The following EXD3 variants were observed in gnomAD, a reference collection of about 807,000 sequenced individuals.
EXD3 encodes exonuclease mut-7 homolog.
A neutral mutation model predicts 98.0 loss-of-function variants in EXD3; 92 were observed. The ratio of observed to expected loss-of-function variants is 0.94; its 90% CI spans 0.79 to 1.12. The LOEUF (loss-of-function observed/expected upper bound fraction) is 1.12. Ranked by LOEUF, EXD3 falls within the 50% of genes most tolerant of loss-of-function variation. The pLI is 0.00. For synonymous variants in EXD3, 569 were observed against 526.0 expected (o/e 1.08, Z -1.12); for missense variants, 1,222 against 1,191.6 (o/e 1.03, Z -0.38).
chr9:137,340,603 G>T (rs1833600880), intron 17 of EXD3, among the ~76,000 whole-genome samples: 2 of 152,048 alleles, frequency 1.3e-5, no homozygotes, highest in Admixed American at 1.3e-4. Context: ...ATGGCTCACT[G>T]TGTAGCCTCG....
At chr9:137,389,554 G>C (rs1392568729) in intron 2 of EXD3, among the ~76,000 whole-genome samples, 1 of 152,190 alleles carries the variant, frequency 6.6e-6, no homozygotes, top group Non-Finnish European at 1.5e-5. Context: ...CCCACAAGGA[G>C]GCAGAGAGGG....
At chr9:137,331,640 G>A (rs571660707) in intron 17 of EXD3, among the ~76,000 whole-genome samples, 7 of 152,200 alleles carry the variant, frequency 4.6e-5, no homozygotes, top group Non-Finnish European at 8.8e-5. Context: ...CTCAGGCCAG[G>A]CGCGGTGGCT....
intron 1 of EXD3, among the ~76,000 whole-genome samples, chr9:137,408,777 G>A (rs544323213): frequency 7.9e-5 from 12 of 152,244 alleles, no homozygotes; most frequent in Admixed American, 1.3e-4. Flanking sequence ...CGAGCCAATC[G>A]GAATGGACAG....
At chr9:137,351,627 G>A (rs770992060) in intron 12 of EXD3, 99 bp from the exon 13 acceptor site, 15 of 1,142,332 alleles carry the variant, frequency 1.3e-5, no homozygotes, top group East Asian at 1.0e-4. Flanking sequence ...CTTGGGCTTC[G>A]GGGAGACGCC....
At chr9:137,316,174 G>C (rs901355439) in intron 19 of EXD3, among the ~76,000 whole-genome samples, 17 of 151,714 alleles carry the variant, frequency 1.1e-4, no homozygotes, top group Non-Finnish European at 1.9e-4. Flanking sequence ...GGGCCGGGCC[G>C]CGTGGGAAAG....
rs2119216481 is a variant in EXD3, at chr9:137,349,769, C to T, written c.1495-238G>A. 6.6e-6 allele frequency among the ~76,000 whole-genome samples: 1 copy of T among 152,178 alleles called. No individual in the cohort carries two copies. Among genetic ancestry groups the T allele is most frequent in the East Asian group, 1.9e-4 (1 of 5,154 alleles). On this transcript the variant is annotated intron_variant, in intron 14 of 21. Coordinates refer to ENST00000340951, the MANE Select transcript of EXD3 (RefSeq NM_017820.5). This position sits in a 1 kb window ranked among gnomAD's most constrained non-coding sequence, Gnocchi z 7.4. ...GCTCCGGGGGCCCTGGTCAGCAGTC[C>T]CACGGTAACCCCGCCCAGCCCCTCA... is the stretch of plus-strand genomic sequence containing the variant.
chr9:137,374,924 AACTC>A (rs1835818466), intron 3 of EXD3: 3 of 906,842 alleles, frequency 3.3e-6, no homozygotes, highest in Non-Finnish European at 4.0e-6. Flanking sequence ...AGTGAGTTCT[AACTC>A]TAGTGAGTTC....
At chr9:137,328,487 A>ATATACTCCCACAT (rs1832623250) in intron 17 of EXD3, among the ~76,000 whole-genome samples, 2 of 4,446 alleles carry the variant, frequency 4.5e-4, no homozygotes, top group East Asian at 5.9e-3. Context: ...TAAAAACAAA[A>ATATACTCCCACAT]GTAAAAACAA....
rs1435881897 is a variant in EXD3 at position 137,349,606 on chromosome 9, G to A, written c.1495-75C>T. ...ACAGTCACCGTGCCCACTCACACCA[G>A]CCCTGCGGGGGCTCTGGAGGAGGCC... is the stretch of plus-strand genomic sequence containing the variant. On this transcript the variant is annotated intron_variant, in intron 14 of 21. Coordinates refer to ENST00000340951, the MANE Select transcript of EXD3 (RefSeq NM_017820.5). The surrounding 1 kb of genome is among the most constrained non-coding windows in gnomAD (Gnocchi z 7.4). 4 of 1,408,758 alleles carry A rather than the reference G, an allele frequency of 2.8e-6. No homozygotes were observed. The highest frequency in any genetic ancestry group is 2.9e-5 in the African/African-American group (2 of 68,528). 87.3% of individuals were successfully genotyped at this position (1,408,758 alleles called of 1,614,324 possible). A position where few individuals can be genotyped will look rare whatever the true frequency, so the allele number is the denominator to read the frequency against.
chr9:137,414,153 G>A (rs1278716829), intron 1 of EXD3, among the ~76,000 whole-genome samples: 4 of 152,272 alleles, frequency 2.6e-5, no homozygotes, highest in Non-Finnish European at 4.4e-5. Context: ...TCCTGACCTC[G>A]TGATCCACCT....
rs962853429 is a variant in EXD3, at chr9:137,371,253, G to A, written c.462+1652C>T. Among the ~76,000 whole-genome samples the A allele has an allele frequency of 5.9e-5, 9 of 152,206 alleles. No homozygotes were observed. Among genetic ancestry groups the A allele is most frequent in the African/African-American group, 1.7e-4 (7 of 41,448 alleles). ...TCCGCAGGCACGGCCGCCATTCAGC[G>A]TCGCGCCACATGAGGGGGACCCTCC... On this transcript the variant is annotated intron_variant, in intron 5 of 21. Transcript: ENST00000340951. This position sits in a 1 kb window ranked among gnomAD's most constrained non-coding sequence, Gnocchi z 8.0.
At chr9:137,381,076 G>A (rs1451836968) in intron 3 of EXD3, 2 of 141,306 alleles carry the variant, frequency 1.4e-5, no homozygotes, top group Admixed American at 7.0e-5. Flanking sequence ...CTCCAGCCTG[G>A]GTGACAGAGC....
At position 137,349,562 on chromosome 9, in the gene EXD3, G is replaced by A. The variant is rs749685380; in HGVS notation, c.1495-31C>T. 37 of 1,523,504 alleles carry A rather than the reference G, an allele frequency of 2.4e-5. No individual in the cohort carries two copies. Among genetic ancestry groups the A allele is most frequent in the South Asian group, 1.0e-4 (8 of 79,888 alleles). 94.4% of individuals were successfully genotyped at this position (1,523,504 alleles called of 1,614,324 possible). A position where few individuals can be genotyped will look rare whatever the true frequency, so the allele number is the denominator to read the frequency against. ...AAGACAGTGCCCTGCAGGGTAACGC[G>A]TCTGGCCCTGGCGGCAGCACAGTCA... On this transcript the variant is annotated intron_variant, in intron 14 of 21. Coordinates refer to ENST00000340951, the MANE Select transcript of EXD3 (RefSeq NM_017820.5). The surrounding 1 kb of genome is among the most constrained non-coding windows in gnomAD (Gnocchi z 7.4).
At chr9:137,332,751 A>AAGTAGCTTGGCCTTGAACCCAG (rs1833151003) in intron 17 of EXD3, among the ~76,000 whole-genome samples, 2 of 152,210 alleles carry the variant, frequency 1.3e-5, no homozygotes, top group African/African-American at 4.8e-5. Flanking sequence ...AGGCTGAGGC[A>AAGTAGCTTGGCCTTGAACCCAG]GGGGAATCCC....
chr9:137,322,525 G>A (rs1832100172), intron 19 of EXD3, among the ~76,000 whole-genome samples: 1 of 100,288 alleles, frequency 1.0e-5, no homozygotes, highest in Non-Finnish European at 2.0e-5. Context: ...GGACCACGAG[G>A]GATGCTCTGC....
chr9:137,348,188 G>T lies in EXD3; in HGVS notation c.1881C>A (p.Ala627=), dbSNP rs377069829. The part of the protein sequence containing the change: ...VSEGAAPQIP[A]RAFRVVCDNM... ...TGTCACACACCACACGGAAGGCCCTGGCCGGAATCTGAGGGGCAGCGCCCT... is the reference window on the plus strand; with the variant it reads ...TGTCACACACCACACGGAAGGCCCTTGCCGGAATCTGAGGGGCAGCGCCCT... Residue 627 remains alanine (A), a synonymous_variant, in exon 17 of 22, where the codon GCC becomes GCA. Transcript: ENST00000340951. 19 of 1,611,726 alleles carry T rather than the reference G, an allele frequency of 1.2e-5. No homozygotes were observed. The highest frequency in any genetic ancestry group is 2.7e-5 in the African/African-American group (2 of 74,768).
chr9:137,390,432 CAA>C (rs1375595606), intron 2 of EXD3, among the ~76,000 whole-genome samples: 4 of 128,316 alleles, frequency 3.1e-5, no homozygotes, highest in Non-Finnish European at 1.7e-5. Flanking sequence ...ATTCTGTTGC[CAA>C]AAAAAAAAAA....
Position 137,395,508 on chromosome 9 carries a change from GGGGGGGCCCAAGTGGGACC to G in EXD3, c.-47-123_-47-105del. The G allele has an allele frequency of 8.9e-7, 1 of 1,117,656 alleles. No individual in the cohort carries two copies. Among genetic ancestry groups the G allele is most frequent in the Non-Finnish European group, 1.3e-6 (1 of 780,852 alleles). 69.2% of individuals were successfully genotyped at this position (1,117,656 alleles called of 1,614,324 possible). On this transcript the variant is annotated intron_variant, in intron 1 of 21. Transcript: ENST00000340951. This position sits in a 1 kb window ranked among gnomAD's most constrained non-coding sequence, Gnocchi z 6.5. ...GAGGTGGTGGAGGGAGCTGGTGCCT[GGGGGGGCCCAAGTGGGACC>G]CCCAGTCGCTGAGCATAGCGGGCAG...
chr9:137,322,381 A>G (rs1268050558), intron 19 of EXD3, among the ~76,000 whole-genome samples: 2 of 129,882 alleles, frequency 1.5e-5, no homozygotes, highest in East Asian at 4.9e-4. Flanking sequence ...CGGACCCACA[A>G]GGGATTCTCT....
Sources: gnomAD v4.1 joint callset for allele counts (sites outside exome capture counted in the v4.1 genomes callset) on GRCh38, gnomAD v4.1.1 for gene constraint, Gnocchi (gnomAD v3.1) non-coding constraint, MANE v1.5 for transcripts, NCBI Gene and HGNC (gene_info 2026-07-23, HGNC 2026-07-21) for gene names.